Variants in PCSK2 observed in about 807,000 individuals in gnomAD.
PCSK2 encodes proprotein convertase subtilisin/kexin type 2, also known as neuroendocrine convertase 2.
Under a neutral mutation model 69.7 loss-of-function variants are expected in PCSK2, and 14 were observed. That is an observed-to-expected ratio of 0.20 (90% CI 0.13 to 0.31). The LOEUF (loss-of-function observed/expected upper bound fraction) is 0.31, where lower values mean the gene tolerates loss of function less well. Ranked by LOEUF, PCSK2 falls within the 10% of genes least tolerant of loss-of-function variation. The pLI, the probability that PCSK2 is intolerant of heterozygous loss-of-function variation, is 1.00. For synonymous variants in PCSK2, 307 were observed against 320.7 expected, an observed-to-expected ratio of 0.96 and a Z score of 0.46; for missense variants, 544 against 842.5, an observed-to-expected ratio of 0.65 and a Z score of 4.39.
intron 2 of PCSK2, among the ~76,000 whole-genome samples, chr20:17,326,188 C>G (rs6105740): frequency 6.6e-6 from 1 of 152,172 alleles, no homozygotes; most frequent in Admixed American, 6.5e-5. Flanking sequence ...AGCAATCTAC[C>G]TCAATATTAG....
At chr20:17,353,533 C>T (rs965995310) in intron 2 of PCSK2, among the ~76,000 whole-genome samples, 4 of 151,100 alleles carry the variant, frequency 2.6e-5, no homozygotes, top group Non-Finnish European at 4.4e-5. Flanking sequence ...AACACTTATA[C>T]GCTGTTGATG....
At chr20:17,464,407 C>G (rs1474676674) in intron 10 of PCSK2, 8 of 152,182 alleles carry the variant, frequency 5.3e-5, no homozygotes, top group Admixed American at 5.2e-4. Flanking sequence ...AAGGACCATC[C>G]TGGACACTAA....
chr20:17,257,901 A>G (rs941444875), intron 1 of PCSK2, among the ~76,000 whole-genome samples: 1 of 152,176 alleles, frequency 6.6e-6, no homozygotes, highest in Non-Finnish European at 1.5e-5. Context: ...TTCTTTTACA[A>G]AGGTTTTTGT....
chr20:17,383,417 A>G (rs1600536886), intron 5 of PCSK2, among the ~76,000 whole-genome samples: 1 of 152,310 alleles, frequency 6.6e-6, no homozygotes, highest in Non-Finnish European at 1.5e-5. Context: ...CTTCATAGCT[A>G]CAACCAAAAA....
intron 2 of PCSK2, among the ~76,000 whole-genome samples, chr20:17,341,489 A>C (rs1249310463): frequency 6.6e-6 from 1 of 152,140 alleles, no homozygotes; most frequent in African/African-American, 2.4e-5. Context: ...GTATTATTTT[A>C]TGTTTACCCT....
rs1600535483 is a variant in PCSK2, at chr20:17,381,607, A to G, written c.543+12330A>G. ...AATTGTCATCCCCAACAAGATTCTCATTGTCTCCAGAATCAAAAGAGTATA... is the reference window on the plus strand; with the variant it reads ...AATTGTCATCCCCAACAAGATTCTCGTTGTCTCCAGAATCAAAAGAGTATA... On this transcript the variant is annotated intron_variant, in intron 5 of 11. Coordinates refer to ENST00000262545, the MANE Select transcript of PCSK2 (RefSeq NM_002594.5). Among the ~76,000 whole-genome samples the G allele has an allele frequency of 2.0e-5, 3 of 152,220 alleles. No homozygotes were observed. The East Asian group carries it at 5.8e-4, about 29-fold the overall frequency.
chr20:17,378,325 C>T (rs945113904), intron 5 of PCSK2, among the ~76,000 whole-genome samples: 3 of 152,124 alleles, frequency 2.0e-5, no homozygotes, highest in African/African-American at 7.2e-5. Context: ...CGATACTAGA[C>T]AAATGGGTAA....
At chr20:17,472,682 T>C (rs1485478845) in intron 11 of PCSK2, among the ~76,000 whole-genome samples, 2 of 152,224 alleles carry the variant, frequency 1.3e-5, no homozygotes, top group South Asian at 2.1e-4. Flanking sequence ...TTCTCCTGCC[T>C]CAGCCTCCTG....
At chr20:17,340,235 C>G (rs1373589556) in intron 2 of PCSK2, among the ~76,000 whole-genome samples, 1 of 152,168 alleles carries the variant, frequency 6.6e-6, no homozygotes, top group Non-Finnish European at 1.5e-5. Flanking sequence ...GAGATCACTC[C>G]CATTTGATAG....
chr20:17,444,605 T>A (rs1305461217), intron 8 of PCSK2, among the ~76,000 whole-genome samples: 1 of 152,156 alleles, frequency 6.6e-6, no homozygotes, highest in Non-Finnish European at 1.5e-5. Flanking sequence ...TAGTTTTAGA[T>A]CTCCTAGAAG....
chr20:17,442,983 T>TTA (rs3076118), intron 8 of PCSK2, among the ~76,000 whole-genome samples: 136,752 of 152,064 alleles, frequency 0.9, 62,036 homozygotes, highest in African/African-American at 0.98. Context: ...CCCCAAGGTT[T>TTA]TGTTTCCCCA....
At chr20:17,351,752 G>A (rs532469586) in intron 2 of PCSK2, among the ~76,000 whole-genome samples, 4 of 152,198 alleles carry the variant, frequency 2.6e-5, no homozygotes, top group African/African-American at 7.2e-5. Context: ...CATACTGAAT[G>A]GGCAAAACTG....
intron 2 of PCSK2, among the ~76,000 whole-genome samples, chr20:17,338,354 G>A (rs1265144079): frequency 6.6e-6 from 1 of 152,036 alleles, no homozygotes; most frequent in Non-Finnish European, 1.5e-5. Flanking sequence ...GCACCACCAA[G>A]CCTGTCTACT....
At chr20:17,409,135 G>T (rs1476728072) in intron 5 of PCSK2, 128 bp from the exon 6 acceptor site, 26 of 702,988 alleles carry the variant, frequency 3.7e-5, no homozygotes, top group Non-Finnish European at 1.5e-5. Flanking sequence ...ATTTTGTGAG[G>T]TTTGGTCCAG....
intron 2 of PCSK2, among the ~76,000 whole-genome samples, chr20:17,350,546 AGTTATATGC>A (rs2029949247): frequency 6.6e-6 from 1 of 151,864 alleles, no homozygotes; most frequent in South Asian, 2.1e-4. Context: ...GTCCTCAGAG[AGTTATATGC>A]ACAGTTAAGT....
intron 7 of PCSK2, among the ~76,000 whole-genome samples, chr20:17,429,881 C>CAA (rs148983423): frequency 6.9e-6 from 1 of 145,842 alleles, no homozygotes; most frequent in South Asian, 2.2e-4. Context: ...TTTTTAACAG[C>CAA]AAAAAAAAAA....
chr20:17,415,192 C>G (rs1032830590), intron 6 of PCSK2, among the ~76,000 whole-genome samples: 2 of 152,280 alleles, frequency 1.3e-5, no homozygotes, highest in Middle Eastern at 6.8e-3. Context: ...CCAGGGCAAT[C>G]AGGCAAGAGA....
chr20:17,283,974 A>C (rs578207751), intron 2 of PCSK2, among the ~76,000 whole-genome samples: 132 of 152,304 alleles, frequency 8.7e-4, no homozygotes, highest in African/African-American at 3.0e-3. Context: ...CACATTTCCC[A>C]TATCTAATGA....
intron 2 of PCSK2, among the ~76,000 whole-genome samples, chr20:17,262,828 T>G (rs1987442791): frequency 6.6e-6 from 1 of 152,246 alleles, no homozygotes. Context: ...CTTACATAGA[T>G]GTGGCAAGTT....
Sources: allele counts gnomAD v4.1 joint callset (sites outside exome capture counted in the v4.1 genomes callset), GRCh38; gene constraint gnomAD v4.1.1; transcripts MANE v1.5; gene names NCBI Gene and HGNC (gene_info 2026-07-23, HGNC 2026-07-21).